Variants in PHACTR1 observed in about 807,000 individuals in gnomAD.
PHACTR1 encodes phosphatase and actin regulator 1.
PHACTR1 carries 16 observed loss-of-function variants against 69.2 expected under a neutral mutation model. That is an observed-to-expected ratio of 0.23 (90% CI 0.16 to 0.35). The LOEUF is 0.35. Among genes scored for constraint, PHACTR1 ranks in the 10% least tolerant of loss-of-function variants. The probability of loss-of-function intolerance (pLI) is 1.00; values close to 1 mark genes in which losing one functional copy is unlikely to be tolerated. For synonymous variants in PHACTR1, 312 were observed against 284.5 expected, an observed-to-expected ratio of 1.10 and a Z score of -0.97; for missense variants, 510 against 734.7, an observed-to-expected ratio of 0.69 and a Z score of 3.54.
Position 13,283,770 on chromosome 6 carries a change from A to T in PHACTR1, c.1650+208A>T. ...AATCGGAGAAAACACAAGGCACATA[A>T]TACTGTGCCCATTTTACAGGAGGAG... On this transcript the variant is annotated intron_variant, in intron 13 of 14. Transcript: ENST00000332995. The surrounding 1 kb of genome is among the most constrained non-coding windows in gnomAD (Gnocchi z 4.7). 3.0e-6 allele frequency: 2 copies of T among 663,692 alleles called. No individual in the cohort carries two copies. Among genetic ancestry groups the T allele is most frequent in the Non-Finnish European group, 5.0e-6 (2 of 398,510 alleles). The allele number at this position is 663,692 out of a possible 1,614,324, so 41.1% of individuals were successfully genotyped here.
chr6:12,870,512 C>T (rs1335279699), intron 4 of PHACTR1, among the ~76,000 whole-genome samples: 1 of 152,180 alleles, frequency 6.6e-6, no homozygotes, highest in Admixed American at 6.5e-5. Flanking sequence ...TTACAATCAT[C>T]TAGAAAACAC....
At chr6:12,784,638 ATAATGATATATACATATATG>A (rs1296826778) in intron 4 of PHACTR1, among the ~76,000 whole-genome samples, 1 of 151,784 alleles carries the variant, frequency 6.6e-6, no homozygotes, top group Non-Finnish European at 1.5e-5. Context: ...GCATATATAC[ATAATGATATATACATATATG>A]TAATGATATA....
At chr6:13,121,159 A>G (rs1235643621) in intron 5 of PHACTR1, among the ~76,000 whole-genome samples, 1 of 152,182 alleles carries the variant, frequency 6.6e-6, no homozygotes, top group Non-Finnish European at 1.5e-5. Flanking sequence ...CGTTTTCCAG[A>G]TAGGGGAAGC....
At chr6:13,140,912 ATTAAT>A (rs1309007171) in intron 5 of PHACTR1, among the ~76,000 whole-genome samples, 1 of 152,208 alleles carries the variant, frequency 6.6e-6, no homozygotes, top group African/African-American at 2.4e-5. Flanking sequence ...TTTCACAGAA[ATTAAT>A]TTATCTATTT....
intron 3 of PHACTR1, among the ~76,000 whole-genome samples, chr6:12,731,068 T>G (rs1763461295): frequency 6.6e-6 from 1 of 151,622 alleles, no homozygotes; most frequent in Admixed American, 6.6e-5. Context: ...CAGGCTGGAG[T>G]GCAGTGGCAC....
At chr6:12,915,621 T>C (rs970866500) in intron 4 of PHACTR1, among the ~76,000 whole-genome samples, 30 of 152,108 alleles carry the variant, frequency 2.0e-4, no homozygotes, top group Non-Finnish European at 1.5e-4. Context: ...GAGTCCAGTT[T>C]ACTATCACAG....
chr6:12,917,399 T>C (rs749022460), intron 4 of PHACTR1, among the ~76,000 whole-genome samples: 17 of 152,178 alleles, frequency 1.1e-4, no homozygotes, highest in Non-Finnish European at 2.5e-4. Flanking sequence ...TCATGCCATC[T>C]CGGAAGCATT....
chr6:13,256,296 T>C (rs1207139902), intron 10 of PHACTR1, among the ~76,000 whole-genome samples: 1 of 152,230 alleles, frequency 6.6e-6, no homozygotes, highest in Non-Finnish European at 1.5e-5. Context: ...CCATTCTTCC[T>C]TCCTAGGCCT....
intron 4 of PHACTR1, among the ~76,000 whole-genome samples, chr6:12,763,738 A>G (rs1177396529): frequency 6.6e-6 from 1 of 152,186 alleles, no homozygotes; most frequent in Admixed American, 6.5e-5. Flanking sequence ...TTTATACACA[A>G]ATATGAATGT....
At chr6:13,253,334 G>A (rs1774748687) in intron 10 of PHACTR1, among the ~76,000 whole-genome samples, 1 of 152,200 alleles carries the variant, frequency 6.6e-6, no homozygotes, top group South Asian at 2.1e-4. Context: ...TGATTGGTGG[G>A]TGCATGTGTT....
intron 4 of PHACTR1, among the ~76,000 whole-genome samples, chr6:12,993,487 C>T (rs1052924925): frequency 3.3e-5 from 5 of 152,142 alleles, no homozygotes; most frequent in Non-Finnish European, 7.3e-5. Flanking sequence ...ACCTAAGACA[C>T]GGAGGGCTGG....
rs571408107 is a variant in PHACTR1 at position 13,094,540 on chromosome 6, G to C, written c.415+41011G>C. ...TTGAACTCCTGACCTCAGGTGATCTGCCTGCCTCGGCCTCCCAAAGTGCTG... is the reference window on the plus strand; with the variant it reads ...TTGAACTCCTGACCTCAGGTGATCTCCCTGCCTCGGCCTCCCAAAGTGCTG... On this transcript the variant is annotated intron_variant, in intron 5 of 14. Transcript: ENST00000332995. 5.9e-5 allele frequency among the ~76,000 whole-genome samples: 9 copies of C among 151,800 alleles called. No homozygotes were observed. The South Asian group carries it at 1.9e-3, about 32-fold the overall frequency.
At chr6:12,722,849 TA>T (rs1762296048) in intron 3 of PHACTR1, among the ~76,000 whole-genome samples, 1 of 152,290 alleles carries the variant, frequency 6.6e-6, no homozygotes, top group Non-Finnish European at 1.5e-5. Context: ...TTGCCAATGG[TA>T]AATCCTAACA....
chr6:13,060,262 C>T (rs1055478269), intron 5 of PHACTR1, among the ~76,000 whole-genome samples: 2 of 152,110 alleles, frequency 1.3e-5, no homozygotes, highest in East Asian at 1.9e-4. Flanking sequence ...TTGTTTGGGG[C>T]AGATGTCAGA....
At chr6:12,802,515 A>G (rs747319354) in intron 4 of PHACTR1, among the ~76,000 whole-genome samples, 20 of 152,198 alleles carry the variant, frequency 1.3e-4, no homozygotes, top group Non-Finnish European at 2.9e-4. Flanking sequence ...GACCTGCCAG[A>G]TCAGAGTGAT....
chr6:12,834,353 A>G (rs1255029370), intron 4 of PHACTR1, among the ~76,000 whole-genome samples: 4 of 152,162 alleles, frequency 2.6e-5, no homozygotes, highest in Non-Finnish European at 5.9e-5. Context: ...GAAATGTCTC[A>G]ACCTTCTTCC....
chr6:13,280,717 T>C (rs369233425), intron 12 of PHACTR1: 1 of 330,496 alleles, frequency 3.0e-6, no homozygotes, highest in South Asian at 2.3e-5. Flanking sequence ...GCTTTGTCTT[T>C]TTAAAAAAGA....
chr6:12,856,585 AAAT>A (rs1780394164), intron 4 of PHACTR1, among the ~76,000 whole-genome samples: 1 of 152,172 alleles, frequency 6.6e-6, no homozygotes, highest in African/African-American at 2.4e-5. Context: ...ATTATCTGAA[AAAT>A]AATTGCAGGA....
At position 13,212,130 on chromosome 6, in the gene PHACTR1, T is replaced by C. The variant is rs527914999; in HGVS notation, c.986+5994T>C. On this transcript the variant is annotated intron_variant, in intron 8 of 14. Transcript: ENST00000332995. Reference sequence around the variant, plus strand: ...TCTCTGCTTATAAGGACACCAGTGATAGTGGATTAGGGCCCACACCACTGA... The same window carrying C: ...TCTCTGCTTATAAGGACACCAGTGACAGTGGATTAGGGCCCACACCACTGA... Among the ~76,000 whole-genome samples, 9 of 152,296 alleles carry C rather than the reference T, an allele frequency of 5.9e-5. No homozygotes were observed. In the South Asian group the frequency reaches 1.7e-3, roughly 28 times the overall value.
Sources: allele counts gnomAD v4.1 joint callset (sites outside exome capture counted in the v4.1 genomes callset), GRCh38; gene constraint gnomAD v4.1.1; non-coding constraint Gnocchi (gnomAD v3.1); transcripts MANE v1.5; gene names NCBI Gene and HGNC (gene_info 2026-07-23, HGNC 2026-07-21).